Variants in ASAH1 observed in about 807,000 individuals in gnomAD.
The protein encoded by ASAH1 is acid ceramidase.
In ASAH1, 70 loss-of-function variants were observed where a neutral mutation model predicts 59.5. The observed-to-expected ratio is 1.18, with a 90% CI of 0.97 to 1.43. The LOEUF (loss-of-function observed/expected upper bound fraction) is 1.43, where lower values mean the gene tolerates loss of function less well. Ranked by LOEUF, ASAH1 falls within the 40% of genes most tolerant of loss-of-function variation. ASAH1 has a pLI of 0.00. For missense variants in ASAH1, 660 were observed against 482.5 expected (o/e 1.37, Z -3.45); for synonymous variants, 213 against 166.5 (o/e 1.28, Z -2.15).
Position 18,071,339 on chromosome 8 carries a change from G to T in ASAH1, c.177C>A (p.Tyr59Ter). The change falls in exon 3 of 14, where the codon TAC becomes TAA. Residue 59 changes from tyrosine (Y) to a stop codon, truncating the protein, a stop_gained. Coordinates refer to ENST00000637790, the MANE Select transcript of ASAH1 (RefSeq NM_177924.5). LOFTEE classifies it high-confidence loss of function. ...CAAGCATCAATTCATGCCATCTTTT[G>T]TAGGGTGGTAAGTCAAGATTTATGG... ...WYTINLDLPP[Y>*]KRWHELMLDK... 3 of 1,605,204 alleles carry T rather than the reference G, an allele frequency of 1.9e-6. No individual in the cohort carries two copies. The highest frequency in any genetic ancestry group is 1.7e-4 in the Middle Eastern group (1 of 5,960).
At chr8:18,061,864 A>G in intron 8 of ASAH1, 124 bp from the exon 9 acceptor site, 2 of 907,158 alleles carry the variant, frequency 2.2e-6, no homozygotes, top group Middle Eastern at 2.1e-4. Flanking sequence ...GCAAAAATAA[A>G]TCAAAACCAT....
In ASAH1 at chr8:18,059,572, T is replaced by G; in HGVS notation, c.917A>C (p.Glu306Ala). ...RDRKESLDVY[E>A]LDAKQGRWYV... ...CTTTTGCTTTAACAAACCTACTTAC[T>G]CATATACATCCAATGATTCCTTTCT... Residue 306 changes from glutamate (E) to alanine (A), a missense_variant and splice_region_variant, in exon 11 of 14, where the codon GAA (glutamate) becomes GCA (alanine). Transcript: ENST00000637790. 3 of 1,614,208 alleles carry G rather than the reference T, an allele frequency of 1.9e-6. No homozygotes were observed. Among genetic ancestry groups the G allele is most frequent in the Non-Finnish European group, 2.5e-6 (3 of 1,180,028 alleles).
chr8:18,062,804 G>C (rs749532410), intron 7 of ASAH1: 39 of 371,028 alleles, frequency 1.1e-4, no homozygotes, highest in Non-Finnish European at 1.7e-4. Flanking sequence ...GGTGTGACTT[G>C]GGACTTACTT....
At chr8:18,059,271 G>C (rs924470709) in intron 12 of ASAH1, 70 bp downstream of exon 12, 7 of 1,609,298 alleles carry the variant, frequency 4.3e-6, no homozygotes, top group African/African-American at 2.7e-5. Flanking sequence ...GAAGGCCAAA[G>C]AAAAATGCCA....
chr8:18,071,925 T>C (rs1271258469), intron 2 of ASAH1, among the ~76,000 whole-genome samples: 2 of 152,210 alleles, frequency 1.3e-5, no homozygotes. Context: ...CTGTCAGCCA[T>C]CCTAATCTTC....
At chr8:18,058,133 G>A (rs1799546715) in intron 13 of ASAH1, 1 of 153,520 alleles carries the variant, frequency 6.5e-6, no homozygotes, top group Admixed American at 6.5e-5. Flanking sequence ...CAAGTCACGA[G>A]ATTGTGACTT....
At position 18,061,412 on chromosome 8, in the gene ASAH1, C is replaced by A. The variant is rs370895103; in HGVS notation, c.750G>T (p.Gly250=). The change falls in exon 10 of 14, where the codon GGG becomes GGT. Residue 250 remains glycine (G), a synonymous_variant. Coordinates refer to ENST00000637790, the MANE Select transcript of ASAH1 (RefSeq NM_177924.5). ...ILGKKDVMWI[G]FLTRTVLENS... The stretch of plus-strand genomic sequence containing the variant: ...TTTCCAGAACTGTTCTAGTGAGGAA[C>A]CCTATCCACATGACATCTTTCTTTC... The A allele has an allele frequency of 2.9e-4, 475 of 1,613,086 alleles. 6 individuals carry two copies. In the South Asian group the frequency reaches 4.0e-3, roughly 14 times the overall value.
chr8:18,067,435 CATA>C (rs1418191588), intron 4 of ASAH1, 137 bp from the exon 5 acceptor site: 16 of 415,750 alleles, frequency 3.8e-5, no homozygotes, highest in Non-Finnish European at 4.7e-5. Context: ...ATACTGCTAT[CATA>C]ATAAGTGATA....
At chr8:18,059,879 G>A (rs1282580483) in intron 10 of ASAH1, 176 bp from the exon 11 acceptor site, 5 of 602,848 alleles carry the variant, frequency 8.3e-6, no homozygotes, top group Non-Finnish European at 1.4e-5. Context: ...CATCATCTAA[G>A]TTTCAAGCCC....
chr8:18,059,492 T>C (rs1433776395), intron 11 of ASAH1, 28 bp from the exon 12 acceptor site: 2 of 1,614,196 alleles, frequency 1.2e-6, no homozygotes, highest in Non-Finnish European at 1.7e-6. Flanking sequence ...GATTCCCTCT[T>C]AGGCTACATG....
Position 18,075,525 on chromosome 8 carries a change from T to C in ASAH1, c.125+16A>G, listed in dbSNP as rs536515295. 9.6e-5 allele frequency: 155 copies of C among 1,613,936 alleles called. No homozygotes were observed. Among genetic ancestry groups the C allele is most frequent in the Non-Finnish European group, 1.2e-4 (145 of 1,179,794 alleles). On this transcript the variant is annotated intron_variant, in intron 2 of 13. Coordinates refer to ENST00000637790, the MANE Select transcript of ASAH1 (RefSeq NM_177924.5). ...CAAAGGTCAAAGGGAGTTTTGATCA[T>C]CTGATGTTTACTCACGTTGGTCCTG...
chr8:18,064,182 G>T (rs947005756), intron 6 of ASAH1: 4 of 568,930 alleles, frequency 7.0e-6, no homozygotes, highest in African/African-American at 5.6e-5. Context: ...ATGGGTAGAA[G>T]TAAACTATGA....
intron 6 of ASAH1, chr8:18,064,193 G>A: frequency 1.7e-6 from 1 of 574,828 alleles, no homozygotes; most frequent in African/African-American, 1.9e-5. Context: ...TAAACTATGA[G>A]GAAGAGAAGA....
At chr8:18,068,918 C>T (rs919939042) in intron 4 of ASAH1, among the ~76,000 whole-genome samples, 9 of 152,220 alleles carry the variant, frequency 5.9e-5, no homozygotes, top group South Asian at 2.1e-4. Flanking sequence ...GCGGGAAGAT[C>T]GCCTGAGCCC....
intron 2 of ASAH1, among the ~76,000 whole-genome samples, chr8:18,072,464 A>C (rs1430670733): frequency 6.6e-6 from 1 of 152,208 alleles, no homozygotes; most frequent in Non-Finnish European, 1.5e-5. Context: ...ATGAGGTTTT[A>C]TGAAACTGTT....
At chr8:18,073,179 G>A (rs1051225252) in intron 2 of ASAH1, 121 of 1,351,752 alleles carry the variant, frequency 9.0e-5, no homozygotes, top group East Asian at 6.8e-4. Context: ...TTTACCTCTC[G>A]TTAAACAGTT....
At chr8:18,074,263 A>G (rs140948400) in intron 2 of ASAH1, among the ~76,000 whole-genome samples, 169 of 152,254 alleles carry the variant, frequency 1.1e-3, no homozygotes, top group African/African-American at 3.9e-3. Flanking sequence ...GAAGACTTTC[A>G]GACAGCAGGC....
At position 18,071,363 on chromosome 8, in the gene ASAH1, G is replaced by T. The variant is rs1800167208; in HGVS notation, c.153C>A (p.Thr51=). Residue 51 remains threonine, a synonymous_variant, in exon 3 of 14, where the codon ACC becomes ACA. Transcript: ENST00000637790. ...PTYRGAVPWY[T]INLDLPPYKR... is the part of the protein sequence containing the mutation. ...TGTAGGGTGGTAAGTCAAGATTTAT[G>T]GTGTACCATGGAACTGCACCTCTGT... 3 of 1,600,572 alleles carry T rather than the reference G, an allele frequency of 1.9e-6. No homozygotes were observed. The highest frequency in any genetic ancestry group is 2.6e-6 in the Non-Finnish European group (3 of 1,170,788).
chr8:18,078,402 T>G (rs1426698251), intron 1 of ASAH1, among the ~76,000 whole-genome samples: 1 of 152,092 alleles, frequency 6.6e-6, no homozygotes, highest in Non-Finnish European at 1.5e-5. Context: ...TAAACAAACG[T>G]GAAATTGGCA....
Sources: allele counts gnomAD v4.1 joint callset (sites outside exome capture counted in the v4.1 genomes callset), GRCh38; gene constraint gnomAD v4.1.1; transcripts MANE v1.5; gene names NCBI Gene and HGNC (gene_info 2026-07-23, HGNC 2026-07-21).